The following SNX13 variants were observed in gnomAD, a reference collection of about 807,000 sequenced individuals.
SNX13 encodes the protein sorting nexin 13.
Under a neutral mutation model 133.6 loss-of-function variants are expected in SNX13, and 45 were observed. The ratio of observed to expected loss-of-function variants is 0.34; its 90% confidence interval spans 0.27 to 0.43. The LOEUF (loss-of-function observed/expected upper bound fraction) is 0.43. Ranked by LOEUF, SNX13 falls within the 20% of genes least tolerant of loss-of-function variation. The pLI is 1.00. For missense variants in SNX13, 1,032 were observed against 1,145.1 expected (o/e 0.90, Z 1.43); for synonymous variants, 414 against 373.9 (o/e 1.11, Z -1.24).
chr7:17,810,991 A>G lies in SNX13; in HGVS notation c.2064+3843T>C, dbSNP rs543170622. 7.2e-5 allele frequency among the ~76,000 whole-genome samples: 11 copies of G among 152,346 alleles called. No homozygotes were observed. The East Asian group carries it at 1.7e-3, about 24-fold the overall frequency. ...AAAACTCTCAATAAACTAGGTATCA[A>G]TGGAACGTATCTCAAAATAATAAGA... On this transcript the variant is annotated intron_variant, in intron 20 of 25. Coordinates refer to ENST00000428135, the MANE Select transcript of SNX13 (RefSeq NM_015132.5).
intron 12 of SNX13, among the ~76,000 whole-genome samples, chr7:17,843,900 C>T (rs953002842): frequency 1.7e-4 from 26 of 151,980 alleles, no homozygotes; most frequent in South Asian, 1.2e-3. Context: ...TTAGAAAATA[C>T]ATAAATATTA....
At chr7:17,854,741 C>T (rs149932863) in intron 9 of SNX13, among the ~76,000 whole-genome samples, 227 of 152,216 alleles carry the variant, frequency 1.5e-3, no homozygotes, top group African/African-American at 5.0e-3. Flanking sequence ...ACTGACCATT[C>T]CTCCGTCTCT....
At position 17,940,346 on chromosome 7, in the gene SNX13, A is replaced by T. The variant is rs1802694661; in HGVS notation, c.-51T>A. ...CTCCCTAGCCTCGCCTCATGGCAAC[A>T]GCCGTAGCAGCAGCGAAAACTGCTC... is the stretch of plus-strand genomic sequence containing the variant. On this transcript the variant is annotated 5_prime_UTR_variant, in exon 1 of 26. Transcript: ENST00000428135. The T allele has an allele frequency of 1.3e-6, 2 of 1,555,686 alleles. No individual in the cohort carries two copies. Among genetic ancestry groups the T allele is most frequent in the Non-Finnish European group, 1.7e-6 (2 of 1,149,460 alleles).
In SNX13 at chr7:17,790,807, C is replaced by G. The variant is rs1158868225; in HGVS notation, c.*3238G>C. ...TATTTTCTAATGGACAGAACACAAA[C>G]CAAATAAATTTTTTAATCCTTTTAG... On this transcript the variant is annotated 3_prime_UTR_variant, in exon 26 of 26. Transcript: ENST00000428135. 6.6e-6 allele frequency: 1 copy of G among 151,956 alleles called. No homozygotes were observed. Among genetic ancestry groups the G allele is most frequent in the African/African-American group, 2.4e-5 (1 of 41,398 alleles). 9.4% of individuals were successfully genotyped at this position (151,956 alleles called of 1,614,324 possible). A position where few individuals can be genotyped will look rare whatever the true frequency, so the allele number is the denominator to read the frequency against.
chr7:17,938,341 G>C (rs1177721723), intron 1 of SNX13, among the ~76,000 whole-genome samples: 1 of 152,206 alleles, frequency 6.6e-6, no homozygotes, highest in Non-Finnish European at 1.5e-5. Context: ...AGAGTTAGGA[G>C]ATGAGATTCC....
intron 1 of SNX13, among the ~76,000 whole-genome samples, chr7:17,939,423 C>T (rs571671053): frequency 6.6e-6 from 1 of 152,334 alleles, no homozygotes; most frequent in South Asian, 2.1e-4. Flanking sequence ...CCTGCAGATA[C>T]TACAACACAT....
intron 9 of SNX13, among the ~76,000 whole-genome samples, chr7:17,855,446 G>T (rs890171088): frequency 1.3e-5 from 2 of 152,184 alleles, no homozygotes; most frequent in African/African-American, 2.4e-5. Context: ...AAAAGCCAGT[G>T]TCTGGCTACA....
chr7:17,914,625 A>T lies in SNX13; in HGVS notation c.13-17179T>A, dbSNP rs963968937. Among the ~76,000 whole-genome samples, 8 of 152,248 alleles carry T rather than the reference A, an allele frequency of 5.3e-5. 1 individual carries two copies. Among genetic ancestry groups the T allele is most frequent in the African/African-American group, 1.9e-4 (8 of 41,464 alleles). Reference sequence around the variant, plus strand: ...CAGCCAAAAATGTCATATCCCACCAAACTAAGCTTCATAAGTGAACAAGAA... The same window carrying T: ...CAGCCAAAAATGTCATATCCCACCATACTAAGCTTCATAAGTGAACAAGAA... On this transcript the variant is annotated intron_variant, in intron 1 of 25. Coordinates refer to ENST00000428135, the MANE Select transcript of SNX13 (RefSeq NM_015132.5).
intron 17 of SNX13, among the ~76,000 whole-genome samples, chr7:17,823,536 G>A (rs1262875766): frequency 6.6e-6 from 1 of 152,098 alleles, no homozygotes; most frequent in African/African-American, 2.4e-5. Flanking sequence ...TCTAAGATTT[G>A]TACTTTCTTT....
chr7:17,796,895 C>T lies in SNX13; in HGVS notation c.2558G>A (p.Cys853Tyr). Residue 853 changes from cysteine to tyrosine, a missense_variant, in exon 25 of 26, where the codon TGC becomes TAC. Cys to Tyr is a radical substitution (Grantham distance 194, BLOSUM62 -2). Coordinates refer to ENST00000428135, the MANE Select transcript of SNX13 (RefSeq NM_015132.5). ...TCTCATTCGAATACTTTTATCTCTG[C>T]ATGGAACAGCCTCTGCTAAAATGCC... is the stretch of plus-strand genomic sequence containing the variant. ...PNGILAEAVPCRDKSIRMRTR... is the reference protein window; with the variant it reads ...PNGILAEAVPYRDKSIRMRTR... 1 of 1,611,258 alleles carries T rather than the reference C, an allele frequency of 6.2e-7. No homozygotes were observed. Among genetic ancestry groups the T allele is most frequent in the Non-Finnish European group, 8.5e-7 (1 of 1,178,168 alleles).
At chr7:17,885,523 T>G (rs1276449822) in intron 5 of SNX13, among the ~76,000 whole-genome samples, 1 of 152,202 alleles carries the variant, frequency 6.6e-6, no homozygotes, top group African/African-American at 2.4e-5. Flanking sequence ...CCCAGGTCTA[T>G]TCTACAGATT....
intron 2 of SNX13, 88 bp downstream of exon 2, chr7:17,897,242 CAAAT>C (rs1797306137): frequency 1.6e-6 from 1 of 634,816 alleles, no homozygotes; most frequent in East Asian, 3.4e-5. Context: ...ATGGCATTCA[CAAAT>C]AAATCATACT....
intron 18 of SNX13, among the ~76,000 whole-genome samples, chr7:17,818,800 CCT>C (rs996932456): frequency 6.6e-6 from 1 of 152,090 alleles, no homozygotes; most frequent in Non-Finnish European, 1.5e-5. Flanking sequence ...CTAATACACT[CCT>C]GGAAAATTTA....
chr7:17,833,468 G>T lies in SNX13; in HGVS notation c.1597+584C>A, dbSNP rs1039130511. ...ACACAGGTAGTAAGTGATAGAATGG[G>T]AGTAAAATCGAAATATTCTGACTCT... On this transcript the variant is annotated intron_variant, in intron 15 of 25. Coordinates refer to ENST00000428135, the MANE Select transcript of SNX13 (RefSeq NM_015132.5). 5.3e-5 allele frequency among the ~76,000 whole-genome samples: 8 copies of T among 151,662 alleles called. No homozygotes were observed. The South Asian group carries it at 1.7e-3, about 31-fold the overall frequency.
chr7:17,839,089 A>C (rs2128315396), intron 13 of SNX13, among the ~76,000 whole-genome samples: 1 of 149,786 alleles, frequency 6.7e-6, no homozygotes, highest in African/African-American at 2.4e-5. Flanking sequence ...ATAAGTTCTA[A>C]AGCAATTCTA....
chr7:17,883,718 C>T (rs1795636199), intron 5 of SNX13, among the ~76,000 whole-genome samples: 2 of 151,968 alleles, frequency 1.3e-5, no homozygotes, highest in African/African-American at 4.8e-5. Flanking sequence ...CCTTGCCCCT[C>T]ACCCCCCAAG....
At chr7:17,888,019 T>C (rs1015485052) in intron 5 of SNX13, 4 of 152,164 alleles carry the variant, frequency 2.6e-5, no homozygotes, top group Non-Finnish European at 4.4e-5. Flanking sequence ...ATATGAATGA[T>C]TGTAAACAGA....
At chr7:17,901,318 C>T (rs181068065) in intron 1 of SNX13, among the ~76,000 whole-genome samples, 116 of 152,288 alleles carry the variant, frequency 7.6e-4, no homozygotes, top group Admixed American at 3.6e-3. Context: ...CTCTTCGTCG[C>T]CCCAGCTGGT....
At position 17,817,331 on chromosome 7, in the gene SNX13, T is replaced by A. The variant is rs1171238064; in HGVS notation, c.1846-1042A>T. The stretch of plus-strand genomic sequence containing the variant: ...TGACTGTACCTGACCAACAGCCTAG[T>A]GCTGAAATTCAAACAGCCTTACCAC... On this transcript the variant is annotated intron_variant, in intron 18 of 25. Coordinates refer to ENST00000428135, the MANE Select transcript of SNX13 (RefSeq NM_015132.5). Among the ~76,000 whole-genome samples, 13 of 152,260 alleles carry A rather than the reference T, an allele frequency of 8.5e-5. 1 individual carries two copies. The highest frequency in any genetic ancestry group is 6.3e-3 in the Middle Eastern group (2 of 316).
Sources: allele counts gnomAD v4.1 joint callset (sites outside exome capture counted in the v4.1 genomes callset), GRCh38; gene constraint gnomAD v4.1.1; transcripts MANE v1.5; gene names NCBI Gene and HGNC (gene_info 2026-07-23, HGNC 2026-07-21).